ANAPC10: variants seen among roughly 807,000 people sequenced by gnomAD.
ANAPC10 encodes anaphase promoting complex subunit 10, also known as anaphase-promoting complex subunit 10.
ANAPC10 carries 12 observed loss-of-function variants against 22.0 expected under a neutral mutation model. That is an observed-to-expected ratio of 0.55 (90% CI 0.35 to 0.88). The LOEUF (loss-of-function observed/expected upper bound fraction) is 0.88. Ranked by LOEUF, ANAPC10 falls within the 40% of genes least tolerant of loss-of-function variation. The probability of loss-of-function intolerance (pLI) is 0.01; values close to 1 mark genes in which losing one functional copy is unlikely to be tolerated. For missense variants in ANAPC10, 188 were observed against 220.9 expected, an observed-to-expected ratio of 0.85 and a Z score of 0.94; for synonymous variants, 65 against 69.5, an observed-to-expected ratio of 0.94 and a Z score of 0.32.
At chr4:145,051,454 T>C (rs1328492071) in intron 4 of ANAPC10, among the ~76,000 whole-genome samples, 2 of 152,104 alleles carry the variant, frequency 1.3e-5, no homozygotes, top group Non-Finnish European at 2.9e-5. Flanking sequence ...GAAACAGGAA[T>C]TGAGCACAAG....
intron 3 of ANAPC10, among the ~76,000 whole-genome samples, chr4:145,077,462 AACCCTACTG>A: frequency 6.6e-6 from 1 of 152,272 alleles, no homozygotes; most frequent in South Asian, 2.1e-4. Flanking sequence ...AGCTGGTATC[AACCCTACTG>A]AAACGATTGC....
chr4:145,090,391 G>C (rs1400701988), intron 2 of ANAPC10, among the ~76,000 whole-genome samples: 1 of 152,124 alleles, frequency 6.6e-6, no homozygotes. Context: ...AGATATGGAA[G>C]GCTAACTGTC....
intron 4 of ANAPC10, 38 bp downstream of exon 4, chr4:145,064,534 T>C (rs1301742217): frequency 3.9e-6 from 6 of 1,551,602 alleles, no homozygotes. Context: ...GAGTAAAAGT[T>C]AAAGGATGAC....
chr4:145,002,647 A>C (rs1307887710), intron 4 of ANAPC10, among the ~76,000 whole-genome samples: 2 of 152,196 alleles, frequency 1.3e-5, no homozygotes, highest in East Asian at 3.8e-4. Context: ...AGCCAATGTC[A>C]ATTAAAAAGA....
At chr4:145,018,124 A>AAT (rs1553965077) in intron 4 of ANAPC10, among the ~76,000 whole-genome samples, 164 of 147,962 alleles carry the variant, frequency 1.1e-3, no homozygotes, top group Middle Eastern at 3.7e-3. Context: ...TAATAAAAAA[A>AAT]ATATATATAT....
At chr4:145,095,313 T>C (rs968327016) in intron 2 of ANAPC10, among the ~76,000 whole-genome samples, 1 of 152,166 alleles carries the variant, frequency 6.6e-6, no homozygotes, top group African/African-American at 2.4e-5. Context: ...ACTGTCTGAG[T>C]AGTGTGAAGA....
chr4:145,072,573 T>C (rs1290609712), intron 3 of ANAPC10, among the ~76,000 whole-genome samples: 1 of 152,148 alleles, frequency 6.6e-6, no homozygotes. Context: ...GAAGATCAAA[T>C]GGAAGAAAGC....
intron 4 of ANAPC10, among the ~76,000 whole-genome samples, chr4:145,020,565 T>G (rs1389563346): frequency 6.6e-6 from 1 of 152,128 alleles, no homozygotes; most frequent in Non-Finnish European, 1.5e-5. Flanking sequence ...AACATAGTAC[T>G]GGAAGTCCTA....
chr4:145,071,996 G>A (rs1744550111), intron 3 of ANAPC10, among the ~76,000 whole-genome samples: 1 of 150,920 alleles, frequency 6.6e-6, no homozygotes, highest in Admixed American at 6.6e-5. Flanking sequence ...AAATGTGAAA[G>A]GACAAAAAAA....
intron 4 of ANAPC10, among the ~76,000 whole-genome samples, chr4:145,017,051 A>C (rs1266634719): frequency 6.6e-6 from 1 of 152,246 alleles, no homozygotes; most frequent in Non-Finnish European, 1.5e-5. Flanking sequence ...CATTCAGGAC[A>C]TAGGCATGGG....
chr4:145,030,758 G>A (rs1373614320), intron 4 of ANAPC10, among the ~76,000 whole-genome samples: 2 of 152,182 alleles, frequency 1.3e-5, no homozygotes, highest in East Asian at 3.8e-4. Flanking sequence ...AGCCAATAGA[G>A]CTACCTTTAC....
chr4:145,000,744 C>T (rs1228243043), intron 4 of ANAPC10, among the ~76,000 whole-genome samples: 1 of 152,174 alleles, frequency 6.6e-6, no homozygotes, highest in Non-Finnish European at 1.5e-5. Flanking sequence ...AAGACACATG[C>T]ACACGTTTAT....
At chr4:145,086,998 C>A (rs1438269090) in intron 2 of ANAPC10, among the ~76,000 whole-genome samples, 1 of 151,894 alleles carries the variant, frequency 6.6e-6, no homozygotes, top group Non-Finnish European at 1.5e-5. Context: ...TCATGACTTA[C>A]TTCAGTCAAT....
intron 4 of ANAPC10, among the ~76,000 whole-genome samples, chr4:145,018,454 T>C (rs1735532542): frequency 6.6e-6 from 1 of 151,678 alleles, no homozygotes; most frequent in South Asian, 2.1e-4. Context: ...ACCAACATGG[T>C]GAAACCCCAT....
intron 4 of ANAPC10, among the ~76,000 whole-genome samples, chr4:145,019,200 A>G (rs1735638587): frequency 6.6e-6 from 1 of 152,220 alleles, no homozygotes; most frequent in Non-Finnish European, 1.5e-5. Flanking sequence ...ATGATAGGCC[A>G]CAAAATGAGC....
intron 4 of ANAPC10, among the ~76,000 whole-genome samples, chr4:145,001,217 A>G (rs968263830): frequency 1.9e-5 from 2 of 102,916 alleles, no homozygotes; most frequent in Admixed American, 1.4e-4. Context: ...GGAAGGAGGG[A>G]GGGAGGGAGG....
intron 4 of ANAPC10, among the ~76,000 whole-genome samples, chr4:144,997,142 G>C (rs534277956): frequency 6.6e-6 from 1 of 152,302 alleles, no homozygotes; most frequent in South Asian, 2.1e-4. Context: ...GGCCAGAATG[G>C]AACCAAGGTG....
intron 4 of ANAPC10, among the ~76,000 whole-genome samples, chr4:145,006,833 T>C (rs1393081500): frequency 6.6e-6 from 1 of 152,014 alleles, no homozygotes; most frequent in Non-Finnish European, 1.5e-5. Flanking sequence ...CTTCTTCAGG[T>C]ATTCCTCCCA....
chr4:145,022,856 T>C (rs1234379394), intron 4 of ANAPC10, among the ~76,000 whole-genome samples: 3 of 151,650 alleles, frequency 2.0e-5, no homozygotes, highest in South Asian at 4.2e-4. Context: ...ATGATTAATA[T>C]ATGAGTCATT....
Sources: gnomAD v4.1 joint callset for allele counts (sites outside exome capture counted in the v4.1 genomes callset) on GRCh38, gnomAD v4.1.1 for gene constraint, MANE v1.5 for transcripts, NCBI Gene and HGNC (gene_info 2026-07-23, HGNC 2026-07-21) for gene names.